The following NLGN4Y variants were observed in gnomAD, a reference collection of about 807,000 sequenced individuals.
NLGN4Y encodes the protein neuroligin 4 Y-linked.
A neutral mutation model predicts 8.4 loss-of-function variants in NLGN4Y; 4 were observed. The ratio of observed to expected loss-of-function variants is 0.48; its 90% CI spans 0.23 to 1.09. NLGN4Y has a LOEUF of 1.09. NLGN4Y is among the 50% of genes least tolerant of loss of function. The probability of loss-of-function intolerance (pLI) is 0.19; values close to 1 mark genes in which losing one functional copy is unlikely to be tolerated. For synonymous variants in NLGN4Y, 35 were observed against 75.6 expected (o/e 0.46, Z 2.78); for missense variants, 90 against 192.3 (o/e 0.47, Z 3.15).
intron 1 of NLGN4Y, among the ~76,000 whole-genome samples, chrY:14,592,758 G>A (rs2080377541): frequency 3.0e-5 from 1 of 33,185 alleles, no homozygotes; most frequent in African/African-American, 1.2e-4. Context: ...GATTTTTAAG[G>A]TTTTGTTGAT....
At chrY:14,785,101 T>C (rs2042957989) in intron 4 of NLGN4Y, among the ~76,000 whole-genome samples, 1 of 33,513 alleles carries the variant, frequency 3.0e-5, no homozygotes, top group Non-Finnish European at 7.4e-5. Flanking sequence ...AGTTTACCTA[T>C]ATAACAAACC....
At chrY:14,540,301 C>T in intron 1 of NLGN4Y, among the ~76,000 whole-genome samples, 2 of 32,275 alleles carry the variant, frequency 6.2e-5, no homozygotes, top group Non-Finnish European at 1.5e-4. Context: ...CAGGGCATCT[C>T]TAAAAAAAAG....
intron 1 of NLGN4Y, among the ~76,000 whole-genome samples, chrY:14,614,359 G>A: frequency 3.1e-5 from 1 of 32,484 alleles, no homozygotes; most frequent in East Asian, 8.1e-4. Flanking sequence ...TGGGTAGATT[G>A]CAACAATTTT....
chrY:14,553,675 T>C, intron 1 of NLGN4Y, among the ~76,000 whole-genome samples: 1 of 30,577 alleles, frequency 3.3e-5, no homozygotes, highest in Non-Finnish European at 7.8e-5. Flanking sequence ...TGTGTAAATA[T>C]ATATTCATAT....
chrY:14,634,340 A>G, intron 2 of NLGN4Y, among the ~76,000 whole-genome samples: 1 of 33,859 alleles, frequency 3.0e-5, no homozygotes, highest in Non-Finnish European at 7.3e-5. Flanking sequence ...CTGTAATCCC[A>G]GTACTTTGGG....
At chrY:14,818,365 G>T (rs2043110063) in intron 4 of NLGN4Y, among the ~76,000 whole-genome samples, 1 of 33,702 alleles carries the variant, frequency 3.0e-5, no homozygotes, top group African/African-American at 1.2e-4. Context: ...TGGGAGAAAT[G>T]CCTGGTTACA....
At chrY:14,572,556 A>G (rs2080276115) in intron 1 of NLGN4Y, among the ~76,000 whole-genome samples, 1 of 32,970 alleles carries the variant, frequency 3.0e-5, no homozygotes, top group Non-Finnish European at 7.4e-5. Flanking sequence ...GGAACAATTT[A>G]ACTTCCTCTT....
chrY:14,607,814 C>T (rs113260369), intron 1 of NLGN4Y, among the ~76,000 whole-genome samples: 17 of 34,198 alleles, frequency 5.0e-4, no homozygotes, highest in Non-Finnish European at 8.1e-4. Context: ...TCTTCTACAA[C>T]GGTTGAATTA....
intron 4 of NLGN4Y, among the ~76,000 whole-genome samples, chrY:14,780,624 C>T (rs753842630): frequency 9.2e-5 from 3 of 32,735 alleles, no homozygotes; most frequent in Admixed American, 2.8e-4. Context: ...TTACAAAAGG[C>T]GCCATTGCAA....
At chrY:14,550,827 C>T in intron 1 of NLGN4Y, among the ~76,000 whole-genome samples, 1 of 33,445 alleles carries the variant, frequency 3.0e-5, no homozygotes, top group Non-Finnish European at 7.4e-5. Context: ...TCATTTCAAC[C>T]TTTGTGAATG....
At chrY:14,609,260 T>C (rs2080458193) in intron 1 of NLGN4Y, among the ~76,000 whole-genome samples, 1 of 33,003 alleles carries the variant, frequency 3.0e-5, no homozygotes, top group African/African-American at 1.2e-4. Context: ...TGAATAAGAG[T>C]GGTGAGAGAG....
At chrY:14,700,145 T>C in intron 2 of NLGN4Y, among the ~76,000 whole-genome samples, 1 of 33,787 alleles carries the variant, frequency 3.0e-5, no homozygotes, top group East Asian at 7.7e-4. Context: ...TTATCTGTAT[T>C]ATTAACAATG....
intron 4 of NLGN4Y, among the ~76,000 whole-genome samples, chrY:14,764,421 A>G (rs2081088756): frequency 3.0e-5 from 1 of 33,215 alleles, no homozygotes; most frequent in African/African-American, 1.2e-4. Context: ...ATACACTTCA[A>G]AACTCTTTCA....
At chrY:14,810,577 C>A (rs751155160) in intron 4 of NLGN4Y, among the ~76,000 whole-genome samples, 1 of 32,314 alleles carries the variant, frequency 3.1e-5, no homozygotes, top group South Asian at 7.0e-4. Flanking sequence ...TGTTTCCAGG[C>A]AGGCCATTCT....
intron 4 of NLGN4Y, among the ~76,000 whole-genome samples, chrY:14,819,178 C>T (rs537771526): frequency 3.0e-5 from 1 of 33,024 alleles, no homozygotes; most frequent in Non-Finnish European, 7.4e-5. Context: ...CCAGTCCCCA[C>T]GATCTGAGTC....
intron 4 of NLGN4Y, among the ~76,000 whole-genome samples, chrY:14,738,079 G>A: frequency 3.1e-5 from 1 of 32,101 alleles, no homozygotes; most frequent in Non-Finnish European, 7.6e-5. Context: ...GCTTTTGCTT[G>A]CTTGGCGTAT....
chrY:14,598,407 T>C, intron 1 of NLGN4Y, among the ~76,000 whole-genome samples: 2 of 33,149 alleles, frequency 6.0e-5, no homozygotes, highest in Non-Finnish European at 1.5e-4. Context: ...GCTGCTGGGG[T>C]ACTCAGTATA....
At chrY:14,761,580 C>A in intron 4 of NLGN4Y, among the ~76,000 whole-genome samples, 1 of 33,837 alleles carries the variant, frequency 3.0e-5, no homozygotes, top group Non-Finnish European at 7.4e-5. Flanking sequence ...CTGACACAGT[C>A]TATCTATTGA....
chrY:14,694,068 C>A, intron 2 of NLGN4Y, among the ~76,000 whole-genome samples: 3 of 33,389 alleles, frequency 9.0e-5, no homozygotes, highest in Non-Finnish European at 2.2e-4. Flanking sequence ...GCTTGCAGAT[C>A]ATTTATCTCT....
Sources: allele counts gnomAD v4.1 joint callset (sites outside exome capture counted in the v4.1 genomes callset), GRCh38; gene constraint gnomAD v4.1.1; transcripts MANE v1.5; gene names NCBI Gene and HGNC (gene_info 2026-07-23, HGNC 2026-07-21).